The following TACC3 variants were observed in gnomAD, a reference collection of about 807,000 sequenced individuals.
TACC3 encodes transforming acidic coiled-coil-containing protein 3.
A neutral mutation model predicts 86.0 loss-of-function variants in TACC3; 52 were observed. The ratio of observed to expected loss-of-function variants is 0.60; its 90% CI spans 0.48 to 0.76. The LOEUF (loss-of-function observed/expected upper bound fraction) is 0.76. TACC3 is among the 30% of genes least tolerant of loss of function. The probability of loss-of-function intolerance (pLI) is 0.00; values close to 1 mark genes in which losing one functional copy is unlikely to be tolerated. For synonymous variants in TACC3, 512 were observed against 430.0 expected (o/e 1.19, Z -2.36); for missense variants, 1,120 against 1,070.4 (o/e 1.05, Z -0.65).
intron 4 of TACC3, among the ~76,000 whole-genome samples, chr4:1,730,034 A>G (rs962437402): frequency 4.0e-5 from 6 of 151,522 alleles, no homozygotes; most frequent in Non-Finnish European, 7.4e-5. Flanking sequence ...TCCTAGGGTT[A>G]TTTGTTTGTT....
chr4:1,739,826 A>G (rs1449303245), intron 11 of TACC3, 48 bp downstream of exon 11: 2 of 384,008 alleles, frequency 5.2e-6, no homozygotes, highest in Non-Finnish European at 7.3e-6. Flanking sequence ...CCCCCTCGCC[A>G]TCCTTGTCCC....
intron 12 of TACC3, 197 bp from the exon 13 acceptor site, chr4:1,740,629 G>A: frequency 1.8e-6 from 1 of 555,042 alleles, no homozygotes; most frequent in Admixed American, 3.3e-5. Context: ...CTGATGTGGA[G>A]GAAACAGCTG....
At chr4:1,731,977 C>T (rs1270038434) in intron 6 of TACC3, among the ~76,000 whole-genome samples, 1 of 152,208 alleles carries the variant, frequency 6.6e-6, no homozygotes, top group Non-Finnish European at 1.5e-5. Flanking sequence ...ACCTTAGACA[C>T]CAGACTGCAG....
chr4:1,740,016 C>T lies in TACC3; in HGVS notation c.2062+14C>T. The T allele has an allele frequency of 1.9e-6, 3 of 1,612,724 alleles. No homozygotes were observed. The highest frequency in any genetic ancestry group is 2.5e-6 in the Non-Finnish European group (3 of 1,179,842). On this transcript the variant is annotated intron_variant, in intron 12 of 15. Transcript: ENST00000313288. ...ACCAGGCCATGGGTGAGTGCCCGGGCCACCGAGGCCACGTGCCTCCACGAG... is the reference window on the plus strand; with the variant it reads ...ACCAGGCCATGGGTGAGTGCCCGGGTCACCGAGGCCACGTGCCTCCACGAG...
intron 1 of TACC3, 156 bp from the exon 2 acceptor site, chr4:1,723,265 T>A: frequency 1.4e-6 from 1 of 728,956 alleles, no homozygotes. Flanking sequence ...TGAGGCTTTC[T>A]CTGCCAAGAG....
chr4:1,740,366 G>A (rs779811289), intron 12 of TACC3: 12 of 404,354 alleles, frequency 3.0e-5, no homozygotes, highest in Non-Finnish European at 4.5e-5. Flanking sequence ...CTGGCAGGAC[G>A]GGAACACCAG....
chr4:1,729,943 C>T (rs1577212135), intron 4 of TACC3, among the ~76,000 whole-genome samples: 1 of 152,242 alleles, frequency 6.6e-6, no homozygotes, highest in Non-Finnish European at 1.5e-5. Flanking sequence ...CCTGTCCGGG[C>T]GTGACAGAGG....
chr4:1,728,775 C>T lies in TACC3; in HGVS notation c.1373C>T (p.Pro458Leu), dbSNP rs1478704994. 6.2e-7 allele frequency: 1 copy of T among 1,604,954 alleles called. No individual in the cohort carries two copies. The highest frequency in any genetic ancestry group is 2.2e-5 in the East Asian group (1 of 44,862). ...GGGCCTGCCACGGAGGAGCCAGGTC[C>T]CTGTCTGAGCCAGTAAGTGTGAGGA... ...HAGPATEEPG[P>L]CLSQQLHSAS... The change falls in exon 4 of 16, where the codon CCC becomes CTC. Residue 458 changes from proline to leucine, a missense_variant. Pro to Leu is a moderately conservative substitution (Grantham distance 98). Coordinates refer to ENST00000313288, the MANE Select transcript of TACC3 (RefSeq NM_006342.3).
At chr4:1,724,001 C>A in intron 3 of TACC3, 131 bp downstream of exon 3, 2 of 1,020,186 alleles carry the variant, frequency 2.0e-6, no homozygotes, top group Non-Finnish European at 2.9e-6. Context: ...TGGAGTCTCG[C>A]TCTGTTGCCC....
rs772018417 is a variant in TACC3, at chr4:1,727,740, C to G, written c.338C>G (p.Thr113Ser). The change falls in exon 4 of 16, where the codon ACT becomes AGT. Residue 113 changes from threonine (T) to serine (S), a missense_variant. Thr to Ser is a moderately conservative substitution (Grantham distance 58, BLOSUM62 1). Transcript: ENST00000313288. Reference sequence around the variant, plus strand: ...CTCATCAAGGAAGTGGATGCCAAAACTACTCATGGAATTCTACAGAAACCA... The same window carrying G: ...CTCATCAAGGAAGTGGATGCCAAAAGTACTCATGGAATTCTACAGAAACCA... Reference protein sequence around the residue: ...QQLIKEVDAKTTHGILQKPVE... With the variant: ...QQLIKEVDAKSTHGILQKPVE... The G allele has an allele frequency of 1.3e-6, 2 of 1,595,538 alleles. No homozygotes were observed. Among genetic ancestry groups the G allele is most frequent in the East Asian group, 4.5e-5 (2 of 44,634 alleles).
At chr4:1,738,151 G>A in intron 10 of TACC3, 1 of 333,112 alleles carries the variant, frequency 3.0e-6, no homozygotes, top group Non-Finnish European at 5.9e-6. Flanking sequence ...TACATGCCAG[G>A]CTTCAGCCTG....
In TACC3 at chr4:1,735,340, A is replaced by G. The variant is rs1253044498; in HGVS notation, c.1644+15A>G. 4 of 1,613,854 alleles carry G rather than the reference A, an allele frequency of 2.5e-6. 1 individual carries two copies. The South Asian group carries it at 3.3e-5, about 13-fold the overall frequency. The stretch of plus-strand genomic sequence containing the variant: ...GAACTTCCTCGGTAGGTACCAGGCA[A>G]TTCCGCGAAGCCTCACCCACAGGGT... On this transcript the variant is annotated intron_variant, in intron 7 of 15. Transcript: ENST00000313288. This position sits in a 1 kb window ranked among gnomAD's most constrained non-coding sequence, Gnocchi z 4.2.
At chr4:1,738,170 C>G in intron 10 of TACC3, 1 of 317,294 alleles carries the variant, frequency 3.2e-6, no homozygotes, top group Non-Finnish European at 6.2e-6. Context: ...TGTTCTAACT[C>G]CGGGCCTAAA....
intron 8 of TACC3, 106 bp from the exon 9 acceptor site, chr4:1,737,135 T>C: frequency 1.1e-6 from 1 of 935,486 alleles, no homozygotes; most frequent in Non-Finnish European, 1.7e-6. Flanking sequence ...TTGAGTGGTT[T>C]TAAACTAAAA....
intron 15 of TACC3, 27 bp downstream of exon 15, chr4:1,744,859 G>A: frequency 1.2e-6 from 2 of 1,612,844 alleles, no homozygotes; most frequent in Non-Finnish European, 1.7e-6. Context: ...CAGCTCAAGG[G>A]GCCGTCTGGC....
Position 1,735,284 on chromosome 4 carries a change from G to T in TACC3, c.1603G>T (p.Gly535Cys). 1 of 1,614,042 alleles carries T rather than the reference G, an allele frequency of 6.2e-7. No individual in the cohort carries two copies. Among genetic ancestry groups the T allele is most frequent in the Non-Finnish European group, 8.5e-7 (1 of 1,180,034 alleles). ...FRDPAEVLGT[G>C]AEVDYLEQFG... ...TTCACTCCTCTCAGTTCTAGGCACG[G>T]GCGCGGAGGTGGATTACCTGGAGCA... Residue 535 changes from glycine (G) to cysteine (C), a missense_variant, in exon 7 of 16, where the codon GGC becomes TGC. Coordinates refer to ENST00000313288, the MANE Select transcript of TACC3 (RefSeq NM_006342.3). The surrounding 1 kb of genome is among the most constrained non-coding windows in gnomAD (Gnocchi z 4.2).
intron 6 of TACC3, among the ~76,000 whole-genome samples, chr4:1,732,715 C>T (rs905646016): frequency 1.3e-5 from 2 of 152,254 alleles, no homozygotes; most frequent in African/African-American, 4.8e-5. Flanking sequence ...TGGAATCACA[C>T]AGCACGGCCT....
Position 1,727,976 on chromosome 4 carries a change from GACAGAAGAGTGAC to G in TACC3, c.577_589del (p.Arg193ProfsTer6), listed in dbSNP as rs766664426. Reference sequence around the variant, plus strand: ...GGAAAACCTTAGTTCCTATTCCTTAGACAGAAGAGTGACACCCGCCTCTGAGACCCTAGAAGAC... The same window carrying G: ...GGAAAACCTTAGTTCCTATTCCTTAGACCCGCCTCTGAGACCCTAGAAGAC... On this transcript the variant is annotated frameshift_variant, in exon 4 of 16. Coordinates refer to ENST00000313288, the MANE Select transcript of TACC3 (RefSeq NM_006342.3). LOFTEE classifies it high-confidence loss of function. The G allele has an allele frequency of 6.2e-7, 1 of 1,613,284 alleles. No individual in the cohort carries two copies. Among genetic ancestry groups the G allele is most frequent in the Non-Finnish European group, 8.5e-7 (1 of 1,180,028 alleles).
At chr4:1,724,927 A>ATTT (rs56412328) in intron 3 of TACC3, among the ~76,000 whole-genome samples, 5,716 of 110,070 alleles carry the variant, frequency 0.052, 401 homozygotes, top group African/African-American at 0.13. Flanking sequence ...TGCCCGGCCA[A>ATTT]TTTTTTTTTT....
Sources: gnomAD v4.1 joint callset for allele counts (sites outside exome capture counted in the v4.1 genomes callset) on GRCh38, gnomAD v4.1.1 for gene constraint, Gnocchi (gnomAD v3.1) non-coding constraint, MANE v1.5 for transcripts, NCBI Gene and HGNC (gene_info 2026-07-23, HGNC 2026-07-21) for gene names.